The following SCAPER variants were observed in gnomAD, a reference collection of about 807,000 sequenced individuals.
SCAPER encodes the protein S phase cyclin A-associated protein in the endoplasmic reticulum.
A neutral mutation model predicts 182.2 loss-of-function variants in SCAPER; 98 were observed. That is an observed-to-expected ratio of 0.54 (90% CI 0.46 to 0.64). The LOEUF (loss-of-function observed/expected upper bound fraction) is 0.64. Ranked by LOEUF, SCAPER falls within the 30% of genes least tolerant of loss-of-function variation. SCAPER has a pLI of 0.00. For missense variants in SCAPER, 1,432 were observed against 1,690.0 expected, an observed-to-expected ratio of 0.85 and a Z score of 2.68; for synonymous variants, 605 against 564.6, an observed-to-expected ratio of 1.07 and a Z score of -1.01.
intron 14 of SCAPER, among the ~76,000 whole-genome samples, chr15:76,755,546 A>G (rs748991641): frequency 2.6e-5 from 4 of 152,166 alleles, no homozygotes; most frequent in East Asian, 1.9e-4. Context: ...TAGTGGCCAT[A>G]TATCTTTCAA....
intron 21 of SCAPER, among the ~76,000 whole-genome samples, chr15:76,626,351 GTA>G (rs1190154993): frequency 1.2e-4 from 19 of 152,076 alleles, no homozygotes; most frequent in Non-Finnish European, 1.9e-4. Context: ...ATACAAAGAG[GTA>G]TATACATAAT....
At chr15:76,711,915 T>C (rs1210971776) in intron 17 of SCAPER, among the ~76,000 whole-genome samples, 1 of 152,206 alleles carries the variant, frequency 6.6e-6, no homozygotes, top group Non-Finnish European at 1.5e-5. Flanking sequence ...GCAGTTTCTT[T>C]TGCTGTGCAG....
chr15:76,458,146 T>G (rs1247559431), intron 25 of SCAPER, among the ~76,000 whole-genome samples: 1 of 152,158 alleles, frequency 6.6e-6, no homozygotes, highest in Non-Finnish European at 1.5e-5. Context: ...TTTACCTATA[T>G]GAAATTTGTC....
chr15:76,651,629 C>CAAA (rs552478551), intron 21 of SCAPER, among the ~76,000 whole-genome samples: 34 of 94,674 alleles, frequency 3.6e-4, no homozygotes, highest in East Asian at 6.0e-4. Flanking sequence ...ACCTACCAAC[C>CAAA]AAAAAAAAAA....
At chr15:76,776,232 C>T (rs2063736504) in intron 8 of SCAPER, among the ~76,000 whole-genome samples, 1 of 152,108 alleles carries the variant, frequency 6.6e-6, no homozygotes, top group Non-Finnish European at 1.5e-5. Context: ...CAAGAAATGC[C>T]TCTTTTGCCA....
At chr15:76,649,998 A>G (rs1425309881) in intron 21 of SCAPER, among the ~76,000 whole-genome samples, 1 of 152,192 alleles carries the variant, frequency 6.6e-6, no homozygotes, top group African/African-American at 2.4e-5. Context: ...CAAAATTAAA[A>G]TGCAGGATTT....
At chr15:76,363,327 C>G (rs866337032) in intron 29 of SCAPER, among the ~76,000 whole-genome samples, 1 of 152,224 alleles carries the variant, frequency 6.6e-6, no homozygotes, top group Admixed American at 6.5e-5. Flanking sequence ...ACCTACCACA[C>G]CAGAGCTCTG....
At chr15:76,566,430 A>T (rs1363835373) in intron 23 of SCAPER, among the ~76,000 whole-genome samples, 2 of 152,148 alleles carry the variant, frequency 1.3e-5, no homozygotes, top group African/African-American at 4.8e-5. Context: ...GCAGGATTCT[A>T]TAAAGTCAGG....
intron 25 of SCAPER, among the ~76,000 whole-genome samples, chr15:76,461,482 TG>T (rs58975328): frequency 0.12 from 18,476 of 152,086 alleles, 1,528 homozygotes; most frequent in African/African-American, 0.24. Context: ...TTTTGCCTAA[TG>T]GTGATTTTTC....
At chr15:76,386,425 T>C (rs762603869) in intron 27 of SCAPER, among the ~76,000 whole-genome samples, 42 of 152,048 alleles carry the variant, frequency 2.8e-4, no homozygotes, top group Non-Finnish European at 4.9e-4. Context: ...GGACCTGGAG[T>C]TCAGCAGTAA....
intron 23 of SCAPER, among the ~76,000 whole-genome samples, chr15:76,524,692 T>G (rs1236831245): frequency 2.8e-5 from 2 of 71,762 alleles, no homozygotes; most frequent in South Asian, 6.3e-4. Context: ...TTGTTCTGTT[T>G]TTTTTTTTTT....
chr15:76,375,096 T>G (rs1048925360), intron 29 of SCAPER, among the ~76,000 whole-genome samples: 2 of 149,702 alleles, frequency 1.3e-5, no homozygotes, highest in African/African-American at 4.9e-5. Context: ...TACCCGCCGG[T>G]AGACCCAACT....
intron 2 of SCAPER, among the ~76,000 whole-genome samples, chr15:76,875,841 C>T (rs1257092882): frequency 6.6e-6 from 1 of 152,176 alleles, no homozygotes; most frequent in Non-Finnish European, 1.5e-5. Context: ...GAGTGAGCAG[C>T]AGCAAGATTC....
At chr15:76,400,564 T>C (rs1318474501) in intron 27 of SCAPER, among the ~76,000 whole-genome samples, 2 of 152,174 alleles carry the variant, frequency 1.3e-5, no homozygotes, top group Non-Finnish European at 2.9e-5. Context: ...TGTGGTCTGG[T>C]GGTGTTCAGG....
intron 23 of SCAPER, among the ~76,000 whole-genome samples, chr15:76,537,292 G>A (rs1166661421): frequency 6.6e-6 from 1 of 151,682 alleles, no homozygotes; most frequent in Non-Finnish European, 1.5e-5. Context: ...AAAGCTGGAG[G>A]CATCACGCTA....
intron 4 of SCAPER, among the ~76,000 whole-genome samples, chr15:76,857,500 C>T (rs1419324318): frequency 6.6e-6 from 1 of 151,334 alleles, no homozygotes; most frequent in African/African-American, 2.4e-5. Context: ...CTGGCTGTGT[C>T]ATTTACTAGC....
intron 21 of SCAPER, among the ~76,000 whole-genome samples, chr15:76,664,051 A>G (rs2056393996): frequency 6.6e-6 from 1 of 152,190 alleles, no homozygotes; most frequent in East Asian, 1.9e-4. Flanking sequence ...CATTTGATCA[A>G]AGACCTGAAG....
chr15:76,501,851 C>CA (rs2041153098), intron 24 of SCAPER, among the ~76,000 whole-genome samples: 1 of 152,186 alleles, frequency 6.6e-6, no homozygotes, highest in African/African-American at 2.4e-5. Context: ...TGCAGGAGAG[C>CA]AACTGGAAGG....
chr15:76,372,587 T>C (rs553386121), intron 29 of SCAPER, among the ~76,000 whole-genome samples: 2 of 152,334 alleles, frequency 1.3e-5, no homozygotes, highest in East Asian at 3.9e-4. Flanking sequence ...ATAACAGAGT[T>C]GGTTTAAGCA....
Sources: allele counts gnomAD v4.1 joint callset (sites outside exome capture counted in the v4.1 genomes callset), GRCh38; gene constraint gnomAD v4.1.1; transcripts MANE v1.5; gene names NCBI Gene and HGNC (gene_info 2026-07-23, HGNC 2026-07-21).